The following R3HDM1 variants were observed in gnomAD, a reference collection of about 807,000 sequenced individuals.
R3HDM1 encodes the protein R3H domain containing 1, also known as R3H domain-containing protein 1.
R3HDM1 carries 46 observed loss-of-function variants against 141.1 expected under a neutral mutation model. The ratio of observed to expected loss-of-function variants is 0.33; its 90% CI spans 0.26 to 0.42. The LOEUF (loss-of-function observed/expected upper bound fraction) is 0.42. Ranked by LOEUF, R3HDM1 falls within the 10% of genes least tolerant of loss-of-function variation. The pLI, the probability that R3HDM1 is intolerant of heterozygous loss-of-function variation, is 1.00. For synonymous variants in R3HDM1, 435 were observed against 472.9 expected (o/e 0.92, Z 1.04); for missense variants, 1,184 against 1,368.3 (o/e 0.87, Z 2.12).
At position 135,675,952 on chromosome 2, in the gene R3HDM1, T is replaced by C. The variant is rs76960475; in HGVS notation, c.2307+466T>C. On this transcript the variant is annotated intron_variant, in intron 20 of 26. Transcript: ENST00000683871. ...CGTAGTTGTAGAATAGGGAAGTATG[T>C]GCAGTTTCCTGTGCTGTGACTGATT... Among the ~76,000 whole-genome samples the C allele has an allele frequency of 0.011, 1,648 of 152,316 alleles. 99 individuals are homozygous for C. The East Asian group carries it at 0.19, about 17-fold the overall frequency.
At chr2:135,721,137 A>G (rs560253587) in intron 24 of R3HDM1, among the ~76,000 whole-genome samples, 1 of 152,240 alleles carries the variant, frequency 6.6e-6, no homozygotes, top group East Asian at 1.9e-4. Context: ...TAATCTTTTC[A>G]GAATTTTGCC....
At chr2:135,700,852 G>A (rs1275051657) in intron 21 of R3HDM1, among the ~76,000 whole-genome samples, 3 of 152,128 alleles carry the variant, frequency 2.0e-5, no homozygotes. Flanking sequence ...ACAGGATTTT[G>A]TAAATACTTT....
Position 135,616,674 on chromosome 2 carries a change from T to A in R3HDM1, c.220T>A (p.Ser74Thr). ...TATAAATACTTCTCTTTAGTCAAGC[T>A]CAAAGTTAAAGCTAGTTCGGAGCCT... is the stretch of plus-strand genomic sequence containing the variant. ...GQTGKRSKSS[S>T]KLKLVRSLAV... Residue 74 changes from serine (S) to threonine (T), a missense_variant, in exon 5 of 27, where the codon TCA becomes ACA. By Grantham distance (58) the Ser-to-Thr change is moderately conservative. Around this residue, in one of 5 missense-constraint regions of R3HDM1, gnomAD observed 192 missense variants for 215.7 expected, o/e 0.89. Coordinates refer to ENST00000683871, the MANE Select transcript of R3HDM1 (RefSeq NM_001378107.1). The A allele has an allele frequency of 6.2e-7, 1 of 1,602,710 alleles. No individual in the cohort carries two copies. The highest frequency in any genetic ancestry group is 8.5e-7 in the Non-Finnish European group (1 of 1,172,022).
intron 5 of R3HDM1, chr2:135,620,152 C>T (rs1574415142): frequency 4.1e-6 from 1 of 244,402 alleles, no homozygotes; most frequent in Middle Eastern, 2.0e-3. Flanking sequence ...CTGCTAGTTA[C>T]TGGAAGTGCC....
intron 26 of R3HDM1, among the ~76,000 whole-genome samples, 154 bp from the exon 27 acceptor site, chr2:135,723,778 CAAAAA>C (rs541423067): frequency 1.8e-5 from 1 of 55,318 alleles, no homozygotes; most frequent in African/African-American, 6.9e-5. Flanking sequence ...CTCCATCTCC[CAAAAA>C]AAAAAAAAAA....
At chr2:135,620,564 G>T (rs1352816570) in intron 5 of R3HDM1, 6 of 982,810 alleles carry the variant, frequency 6.1e-6, no homozygotes, top group Non-Finnish European at 7.2e-6. Flanking sequence ...GATGAAAATA[G>T]CAGGTAGCAG....
chr2:135,670,072 A>G (rs1255734404), intron 19 of R3HDM1, among the ~76,000 whole-genome samples: 5 of 150,532 alleles, frequency 3.3e-5, no homozygotes, highest in African/African-American at 1.2e-4. Context: ...TGAGGTGGCC[A>G]TAAGCCGAGA....
intron 21 of R3HDM1, among the ~76,000 whole-genome samples, chr2:135,697,166 T>C (rs1404170994): frequency 2.0e-5 from 3 of 152,150 alleles, no homozygotes; most frequent in Non-Finnish European, 2.9e-5. Flanking sequence ...CTGGAAGTGG[T>C]GGCATACTCC....
intron 1 of R3HDM1, among the ~76,000 whole-genome samples, chr2:135,599,664 T>C (rs2059463535): frequency 6.6e-6 from 1 of 152,152 alleles, no homozygotes; most frequent in African/African-American, 2.4e-5. Flanking sequence ...TTTGTTTTTG[T>C]TTTTCCAGTG....
At chr2:135,628,607 C>T (rs1451238118) in intron 7 of R3HDM1, among the ~76,000 whole-genome samples, 8 of 152,006 alleles carry the variant, frequency 5.3e-5, no homozygotes, top group Non-Finnish European at 1.2e-4. Context: ...AAATAAGTTG[C>T]CTCCTTTCTT....
intron 3 of R3HDM1, among the ~76,000 whole-genome samples, chr2:135,611,121 T>A (rs186034908): frequency 0.045 from 5,962 of 132,090 alleles, 403 homozygotes; most frequent in African/African-American, 0.15. Context: ...AAATAAAATT[T>A]AAAAAAAAAA....
In R3HDM1 at chr2:135,626,209, G is replaced by GTGCTTGCTTGCT. The variant is rs56860646; in HGVS notation, c.497+3506_497+3517dup. ...CGTGCGTGCGTGCGTGCGTGCGTGCGTGCTTGCTTGCTTGCTTGCTTGCTT... is the reference window on the plus strand; with the variant it reads ...CGTGCGTGCGTGCGTGCGTGCGTGCGTGCTTGCTTGCTTGCTTGCTTGCTTGCTTGCTTGCTT... On this transcript the variant is annotated intron_variant, in intron 7 of 26. Transcript: ENST00000683871. 1.7e-4 allele frequency among the ~76,000 whole-genome samples: 25 copies of GTGCTTGCTTGCT among 143,448 alleles called. 1 individual carries two copies. The highest frequency in any genetic ancestry group is 6.7e-4 in the African/African-American group (23 of 34,206). The allele number at this position is 143,448 out of a possible 152,430, so 94.1% of individuals were successfully genotyped here.
intron 21 of R3HDM1, among the ~76,000 whole-genome samples, chr2:135,687,962 A>G (rs966559015): frequency 6.6e-6 from 1 of 152,140 alleles, no homozygotes; most frequent in Non-Finnish European, 1.5e-5. Context: ...AAATCTGCCT[A>G]TTTGCTGAAA....
intron 21 of R3HDM1, among the ~76,000 whole-genome samples, chr2:135,703,582 C>T (rs2074514834): frequency 1.3e-5 from 2 of 152,140 alleles, no homozygotes; most frequent in South Asian, 4.2e-4. Context: ...GGCAGGCGTC[C>T]CCACTCCCTT....
chr2:135,687,502 TAA>T (rs1480627832), intron 21 of R3HDM1, among the ~76,000 whole-genome samples: 2 of 152,236 alleles, frequency 1.3e-5, no homozygotes, highest in African/African-American at 4.8e-5. Flanking sequence ...CTTTAGCACT[TAA>T]CCTGTTTCTG....
chr2:135,667,395 TA>T (rs3074519), intron 19 of R3HDM1, among the ~76,000 whole-genome samples: 21 of 150,364 alleles, frequency 1.4e-4, no homozygotes, highest in African/African-American at 2.2e-4. Flanking sequence ...GGTAGTGTTT[TA>T]AAAAAAAAAA....
At chr2:135,554,028 C>A (rs1427361942) in intron 1 of R3HDM1, among the ~76,000 whole-genome samples, 1 of 152,174 alleles carries the variant, frequency 6.6e-6, no homozygotes, top group African/African-American at 2.4e-5. Context: ...AGATATAATT[C>A]GTGTACTGTA....
chr2:135,723,256 G>T (rs1397424055), intron 26 of R3HDM1, among the ~76,000 whole-genome samples: 1 of 151,664 alleles, frequency 6.6e-6, no homozygotes, highest in African/African-American at 2.4e-5. Flanking sequence ...CGAGTAGCTG[G>T]GATTACAGTC....
At chr2:135,626,538 TTC>T (rs911668095) in intron 7 of R3HDM1, among the ~76,000 whole-genome samples, 7 of 152,184 alleles carry the variant, frequency 4.6e-5, no homozygotes, top group Admixed American at 1.3e-4. Flanking sequence ...AGAATTTTTC[TTC>T]TCTCTCTAAA....
Sources: gnomAD v4.1 joint callset for allele counts (sites outside exome capture counted in the v4.1 genomes callset) on GRCh38, gnomAD v4.1.1 for gene constraint, gnomAD v4.1.1 regional missense constraint, MANE v1.5 for transcripts, NCBI Gene and HGNC (gene_info 2026-07-23, HGNC 2026-07-21) for gene names.